Variants in KLHL18 observed in about 807,000 individuals in gnomAD.
The protein encoded by KLHL18 is kelch like family member 18.
KLHL18 carries 38 observed loss-of-function variants against 58.5 expected under a neutral mutation model. That is an observed-to-expected ratio of 0.65 (90% CI 0.50 to 0.85). The LOEUF (loss-of-function observed/expected upper bound fraction) is 0.85, where lower values mean the gene tolerates loss of function less well. KLHL18 is among the 40% of genes least tolerant of loss of function. KLHL18 has a pLI of 0.00. For missense variants in KLHL18, 624 were observed against 778.4 expected, an observed-to-expected ratio of 0.80 and a Z score of 2.36; for synonymous variants, 303 against 301.9, an observed-to-expected ratio of 1.00 and a Z score of -0.04.
chr3:47,283,431 C>G (rs975258592), intron 1 of KLHL18: 1 of 353,760 alleles, frequency 2.8e-6, no homozygotes, highest in South Asian at 3.9e-5. Context: ...GTGGCCGGCT[C>G]CACATGCTGA....
Position 47,283,013 on chromosome 3 carries a change from C to G in KLHL18, c.48C>G (p.Ser16=). 6.2e-7 allele frequency: 1 copy of G among 1,610,176 alleles called. No individual in the cohort carries two copies. Among genetic ancestry groups the G allele is most frequent in the Admixed American group, 1.7e-5 (1 of 59,432 alleles). The change falls in exon 1 of 10, where the codon TCC becomes TCG. Residue 16 remains serine (S), a synonymous_variant. Transcript: ENST00000232766. ...AGCTGGAGGATCTGGTGCACTTCTC[C>G]GTGTCTGAGTTGCCTAGTCGCGGCT... ...AEELEDLVHF[S]VSELPSRGYG...
At chr3:47,314,622 C>T (rs1473005871) in intron 1 of KLHL18, among the ~76,000 whole-genome samples, 7 of 152,110 alleles carry the variant, frequency 4.6e-5, no homozygotes, top group East Asian at 1.9e-4. Flanking sequence ...CATGAGCCAC[C>T]GCGCCCTGCA....
chr3:47,312,749 T>C (rs1324044381), intron 1 of KLHL18, among the ~76,000 whole-genome samples: 1 of 152,196 alleles, frequency 6.6e-6, no homozygotes, highest in Non-Finnish European at 1.5e-5. Context: ...TTCATTATGT[T>C]GCCCACGCTG....
intron 7 of KLHL18, among the ~76,000 whole-genome samples, chr3:47,339,655 A>G (rs962508431): frequency 6.6e-6 from 1 of 152,244 alleles, no homozygotes; most frequent in African/African-American, 2.4e-5. Flanking sequence ...AGGTAACACA[A>G]CAAACATACA....
intron 1 of KLHL18, among the ~76,000 whole-genome samples, chr3:47,302,813 G>T (rs573972883): frequency 3.9e-4 from 59 of 152,246 alleles, no homozygotes; most frequent in African/African-American, 1.3e-3. Context: ...TTCAGTGCCC[G>T]TATCATAGAA....
At chr3:47,336,814 A>G (rs912464482) in intron 7 of KLHL18, 57 bp downstream of exon 7, 2 of 1,377,006 alleles carry the variant, frequency 1.5e-6, no homozygotes, top group South Asian at 1.2e-5. Flanking sequence ...GGGGAGCGCC[A>G]TGCTAGACGA....
intron 3 of KLHL18, among the ~76,000 whole-genome samples, chr3:47,327,058 G>A (rs1703741050): frequency 1.3e-5 from 2 of 151,994 alleles, no homozygotes; most frequent in African/African-American, 4.8e-5. Flanking sequence ...GGCCAACATG[G>A]TGAAATGCCA....
At chr3:47,285,104 A>G (rs1037154809) in intron 1 of KLHL18, among the ~76,000 whole-genome samples, 29 of 152,220 alleles carry the variant, frequency 1.9e-4, no homozygotes, top group Admixed American at 6.5e-4. Flanking sequence ...TGAGCCACCA[A>G]GCCCGGCCCT....
intron 3 of KLHL18, among the ~76,000 whole-genome samples, chr3:47,324,298 CTTTTTTTTTTTTT>C (rs769288621): frequency 2.7e-4 from 10 of 37,486 alleles, no homozygotes; most frequent in African/African-American, 6.0e-4. Context: ...TTCTTTCTTT[CTTTTTTTTTTTTT>C]TTTTTTTTTT....
At position 47,283,299 on chromosome 3, in the gene KLHL18, TGAAAG is replaced by T. The variant is rs566860673; in HGVS notation, c.129+212_129+216del. 2.0e-4 allele frequency: 119 copies of T among 599,010 alleles called. No individual in the cohort carries two copies. In the East Asian group the frequency reaches 3.1e-3, roughly 16 times the overall value. 37.1% of individuals were successfully genotyped at this position (599,010 alleles called of 1,614,324 possible). The stretch of plus-strand genomic sequence containing the variant: ...AGGAAGAGGACAACCTTTCAGCCCT[TGAAAG>T]GAAAGGTTGAGAGGTGCGCCGCTTA... On this transcript the variant is annotated intron_variant, in intron 1 of 9. Coordinates refer to ENST00000232766, the MANE Select transcript of KLHL18 (RefSeq NM_025010.5).
intron 1 of KLHL18, among the ~76,000 whole-genome samples, chr3:47,300,229 C>G (rs1237055312): frequency 1.3e-5 from 2 of 149,404 alleles, no homozygotes; most frequent in African/African-American, 4.9e-5. Context: ...CATTCTATTT[C>G]TCGGGAAAAC....
At chr3:47,299,392 C>T (rs1262135639) in intron 1 of KLHL18, among the ~76,000 whole-genome samples, 1 of 151,944 alleles carries the variant, frequency 6.6e-6, no homozygotes, top group East Asian at 1.9e-4. Flanking sequence ...GACCCCATCT[C>T]ATTTTAAAAT....
intron 1 of KLHL18, among the ~76,000 whole-genome samples, chr3:47,313,052 G>C (rs906252567): frequency 2.6e-5 from 4 of 151,782 alleles, no homozygotes; most frequent in Non-Finnish European, 4.4e-5. Flanking sequence ...TGGGACTACA[G>C]GCGCCTGCCA....
chr3:47,338,161 C>G (rs1704027660), intron 7 of KLHL18: 1 of 152,208 alleles, frequency 6.6e-6, no homozygotes, highest in Non-Finnish European at 1.5e-5. Flanking sequence ...CTTCCTATCT[C>G]CCCCAGTGTT....
At chr3:47,312,440 A>C (rs1305624948) in intron 1 of KLHL18, among the ~76,000 whole-genome samples, 1 of 152,172 alleles carries the variant, frequency 6.6e-6, no homozygotes, top group African/African-American at 2.4e-5. Flanking sequence ...AAATAGCCTT[A>C]AGTTTTCTAA....
At chr3:47,320,187 T>C (rs1457232955) in intron 2 of KLHL18, among the ~76,000 whole-genome samples, 3 of 152,222 alleles carry the variant, frequency 2.0e-5, no homozygotes, top group Non-Finnish European at 4.4e-5. Context: ...AACAGTGTTG[T>C]CCACTGGAGG....
intron 1 of KLHL18, among the ~76,000 whole-genome samples, chr3:47,304,379 T>C (rs1198439116): frequency 6.6e-6 from 1 of 151,906 alleles, no homozygotes; most frequent in Non-Finnish European, 1.5e-5. Flanking sequence ...GTGCGCATCT[T>C]GTAGTCCTAG....
At chr3:47,309,341 G>A (rs1012731344) in intron 1 of KLHL18, among the ~76,000 whole-genome samples, 1 of 152,098 alleles carries the variant, frequency 6.6e-6, no homozygotes, top group African/African-American at 2.4e-5. Context: ...CCCAGAAGGG[G>A]CAGCTGCCGG....
At chr3:47,297,389 A>G (rs1330713725) in intron 1 of KLHL18, among the ~76,000 whole-genome samples, 1 of 152,196 alleles carries the variant, frequency 6.6e-6, no homozygotes. Context: ...TGAAGGTGAA[A>G]GAATCCCCCT....
Sources: allele counts gnomAD v4.1 joint callset (sites outside exome capture counted in the v4.1 genomes callset), GRCh38; gene constraint gnomAD v4.1.1; transcripts MANE v1.5; gene names NCBI Gene and HGNC (gene_info 2026-07-23, HGNC 2026-07-21).